The following GRID1 variants were observed in gnomAD, a reference collection of about 807,000 sequenced individuals.
The protein encoded by GRID1 is glutamate ionotropic receptor delta type subunit 1, also known as glutamate receptor ionotropic, delta-1.
GRID1 carries 28 observed loss-of-function variants against 98.0 expected under a neutral mutation model. The observed-to-expected ratio is 0.29, with a 90% CI of 0.21 to 0.39. The LOEUF (loss-of-function observed/expected upper bound fraction) is 0.39. Ranked by LOEUF, GRID1 falls within the 10% of genes least tolerant of loss-of-function variation. GRID1 has a pLI of 1.00. For synonymous variants in GRID1, 553 were observed against 538.5 expected (o/e 1.03, Z -0.37); for missense variants, 1,111 against 1,340.5 (o/e 0.83, Z 2.67).
At chr10:85,997,801 C>T (rs1564646059) in intron 4 of GRID1, among the ~76,000 whole-genome samples, 4 of 151,810 alleles carry the variant, frequency 2.6e-5, no homozygotes. Flanking sequence ...AACAAGCAAA[C>T]CAATTACATG....
At chr10:85,764,575 A>T (rs1206191349) in intron 8 of GRID1, among the ~76,000 whole-genome samples, 1 of 152,160 alleles carries the variant, frequency 6.6e-6, no homozygotes, top group Non-Finnish European at 1.5e-5. Context: ...GGGCCCAGGA[A>T]ATGATGGTTA....
At chr10:85,696,117 G>C (rs1414410726) in intron 12 of GRID1, among the ~76,000 whole-genome samples, 2 of 152,052 alleles carry the variant, frequency 1.3e-5, no homozygotes. Context: ...TATGTATAGG[G>C]TATATATACT....
At chr10:85,858,466 T>A (rs1179370120) in intron 6 of GRID1, among the ~76,000 whole-genome samples, 1 of 152,106 alleles carries the variant, frequency 6.6e-6, no homozygotes, top group African/African-American at 2.4e-5. Context: ...TAGAGGAGCA[T>A]TTCCTCAATG....
At chr10:85,682,178 TAA>T (rs1031574613) in intron 12 of GRID1, among the ~76,000 whole-genome samples, 1 of 152,204 alleles carries the variant, frequency 6.6e-6, no homozygotes, top group African/African-American at 2.4e-5. Flanking sequence ...GGTATAGAGA[TAA>T]GTCCCAAGAC....
At chr10:85,666,685 G>A (rs917025128) in intron 12 of GRID1, among the ~76,000 whole-genome samples, 12 of 152,180 alleles carry the variant, frequency 7.9e-5, no homozygotes, top group African/African-American at 2.9e-4. Context: ...TACAGGGGAC[G>A]TGACTTCAAC....
At chr10:85,849,183 A>G (rs1437997977) in intron 8 of GRID1, among the ~76,000 whole-genome samples, 1 of 152,170 alleles carries the variant, frequency 6.6e-6, no homozygotes, top group Non-Finnish European at 1.5e-5. Context: ...AATTTGGGGC[A>G]ATTTGTAACA....
At chr10:85,878,674 A>T (rs1437302340) in intron 5 of GRID1, among the ~76,000 whole-genome samples, 4 of 152,214 alleles carry the variant, frequency 2.6e-5, no homozygotes, top group Non-Finnish European at 4.4e-5. Context: ...TCATGCCAAA[A>T]TGTAAAGACC....
chr10:86,256,401 G>A (rs1434750364), intron 2 of GRID1, among the ~76,000 whole-genome samples: 1 of 152,166 alleles, frequency 6.6e-6, no homozygotes, highest in African/African-American at 2.4e-5. Flanking sequence ...GGAGTCTGAG[G>A]CTACAGTGAA....
At chr10:85,993,095 A>G (rs1386927646) in intron 4 of GRID1, among the ~76,000 whole-genome samples, 1 of 152,230 alleles carries the variant, frequency 6.6e-6, no homozygotes, top group Non-Finnish European at 1.5e-5. Flanking sequence ...TGAAGGGAAT[A>G]AGACTTTCAA....
intron 2 of GRID1, among the ~76,000 whole-genome samples, chr10:86,236,341 C>T (rs189189208): frequency 6.6e-6 from 1 of 152,324 alleles, no homozygotes; most frequent in East Asian, 1.9e-4. Context: ...ATTTCAACCT[C>T]TCAATGTCTT....
chr10:86,320,716 G>A (rs1564738030), intron 2 of GRID1, among the ~76,000 whole-genome samples: 1 of 152,130 alleles, frequency 6.6e-6, no homozygotes, highest in Non-Finnish European at 1.5e-5. Flanking sequence ...CACATCCTTA[G>A]GACTCTACCT....
intron 8 of GRID1, among the ~76,000 whole-genome samples, chr10:85,841,140 C>A (rs12254683): frequency 1.3e-5 from 2 of 151,932 alleles, no homozygotes; most frequent in African/African-American, 2.4e-5. Context: ...CAAAAACAGA[C>A]ATCTATACCA....
At chr10:86,003,880 C>G (rs768118901) in intron 4 of GRID1, among the ~76,000 whole-genome samples, 1 of 152,124 alleles carries the variant, frequency 6.6e-6, no homozygotes, top group Non-Finnish European at 1.5e-5. Context: ...AGCTAAGAAA[C>G]CTGCCAACTT....
chr10:85,673,514 A>G (rs1301304322), intron 12 of GRID1, among the ~76,000 whole-genome samples: 2 of 152,118 alleles, frequency 1.3e-5, no homozygotes, highest in African/African-American at 4.8e-5. Context: ...TGCCACAGCC[A>G]CTCCTACCTT....
At chr10:86,255,113 C>G (rs117901566) in intron 2 of GRID1, among the ~76,000 whole-genome samples, 3,489 of 152,308 alleles carry the variant, frequency 0.023, 47 homozygotes, top group Middle Eastern at 0.051. Flanking sequence ...TGGATGTCAC[C>G]CCACACCCTT....
chr10:86,262,505 C>A (rs1847031219), intron 2 of GRID1, among the ~76,000 whole-genome samples: 1 of 152,212 alleles, frequency 6.6e-6, no homozygotes, highest in South Asian at 2.1e-4. Context: ...ACCACACCAT[C>A]TTGGGCATGG....
intron 12 of GRID1, among the ~76,000 whole-genome samples, chr10:85,670,422 A>G (rs543454128): frequency 2.5e-4 from 38 of 152,356 alleles, no homozygotes; most frequent in Non-Finnish European, 4.1e-4. Context: ...TCTATCTTGA[A>G]TAATTAGCTG....
chr10:85,618,425 G>A (rs1408489347), intron 14 of GRID1, among the ~76,000 whole-genome samples: 1 of 152,120 alleles, frequency 6.6e-6, no homozygotes, highest in Non-Finnish European at 1.5e-5. Flanking sequence ...GAACACCAAC[G>A]TGTTATAAAT....
intron 2 of GRID1, among the ~76,000 whole-genome samples, chr10:86,307,253 A>G (rs1257371222): frequency 2.0e-5 from 3 of 152,192 alleles, no homozygotes; most frequent in Admixed American, 6.5e-5. Context: ...TCCCATGTCC[A>G]TTGCAGCATA....
Sources: allele counts gnomAD v4.1 joint callset (sites outside exome capture counted in the v4.1 genomes callset), GRCh38; gene constraint gnomAD v4.1.1; transcripts MANE v1.5; gene names NCBI Gene and HGNC (gene_info 2026-07-23, HGNC 2026-07-21).